The following MTG1 variants were observed in gnomAD, a reference collection of about 807,000 sequenced individuals.
MTG1 encodes mitochondrial ribosome associated GTPase 1.
MTG1 carries 30 observed loss-of-function variants against 39.5 expected under a neutral mutation model. That is an observed-to-expected ratio of 0.76 (90% CI 0.57 to 1.03). The LOEUF (loss-of-function observed/expected upper bound fraction) is 1.03. Among genes scored for constraint, MTG1 ranks in the 50% least tolerant of loss-of-function variants. The pLI is 0.00. For synonymous variants in MTG1, 217 were observed against 179.0 expected (o/e 1.21, Z -1.69); for missense variants, 513 against 447.4 (o/e 1.15, Z -1.32).
At position 133,402,365 on chromosome 10, in the gene MTG1, C is replaced by T. The variant is rs1849895104; in HGVS notation, c.670+120C>T. 1 of 1,169,718 alleles carries T rather than the reference C, an allele frequency of 8.5e-7. No homozygotes were observed. Among genetic ancestry groups the T allele is most frequent in the Admixed American group, 1.8e-5 (1 of 54,516 alleles). 72.5% of individuals were successfully genotyped at this position (1,169,718 alleles called of 1,614,324 possible). On this transcript the variant is annotated intron_variant, in intron 8 of 10. Transcript: ENST00000317502. This position sits in a 1 kb window ranked among gnomAD's most constrained non-coding sequence, Gnocchi z 4.7. ...GTTGTTACTGCCTTTGACCTGGTTG[C>T]TGCCAGACCTTCCTCGAAGCTTAGT...
Position 133,402,737 on chromosome 10 carries a change from A to G in MTG1, c.716A>G (p.Tyr239Cys), listed in dbSNP as rs985894314. Residue 239 changes from tyrosine to cysteine, a missense_variant, in exon 9 of 11, where the codon TAC (tyrosine) becomes TGC (cysteine). Transcript: ENST00000317502. This position sits in a 1 kb window ranked among gnomAD's most constrained non-coding sequence, Gnocchi z 4.7. ...GTCGGGGAGGAGACCATGGCTGACT[A>G]CCTGCTGTACACCCTCAACAAACAC... ...HLVGEETMADYLLYTLNKHQR... is the reference protein window; with the variant it reads ...HLVGEETMADCLLYTLNKHQR... 32 of 1,608,228 alleles carry G rather than the reference A, an allele frequency of 2.0e-5. No homozygotes were observed. Among genetic ancestry groups the G allele is most frequent in the Non-Finnish European group, 2.2e-5 (26 of 1,177,746 alleles).
chr10:133,398,631 G>A (rs1849823613), intron 4 of MTG1, 116 bp downstream of exon 4: 1 of 1,203,052 alleles, frequency 8.3e-7, no homozygotes, highest in East Asian at 2.5e-5. Context: ...CCTAGGTGTT[G>A]GTTTCCAGCT....
chr10:133,394,785 C>CTAA, intron 1 of MTG1: 1 of 964,272 alleles, frequency 1.0e-6, no homozygotes, highest in Non-Finnish European at 1.2e-6. Flanking sequence ...TCCTGCTTAA[C>CTAA]GTCTTTGGTA....
Position 133,418,665 on chromosome 10 carries a change from G to A in MTG1, c.753-815G>A, listed in dbSNP as rs758645821. ...GCCTTGGGGTGAGTCCTCTGTTACCGGCTCATGCTGTGACCAGGTCCGAGG... is the reference window on the plus strand; with the variant it reads ...GCCTTGGGGTGAGTCCTCTGTTACCAGCTCATGCTGTGACCAGGTCCGAGG... On this transcript the variant is annotated intron_variant, in intron 9 of 10. Transcript: ENST00000317502. Among the ~76,000 whole-genome samples, 6 of 152,076 alleles carry A rather than the reference G, an allele frequency of 3.9e-5. No homozygotes were observed. The East Asian group carries it at 5.8e-4, about 15-fold the overall frequency.
intron 2 of MTG1, 88 bp downstream of exon 2, chr10:133,395,865 T>C: frequency 7.4e-7 from 1 of 1,352,692 alleles, no homozygotes; most frequent in Non-Finnish European, 1.0e-6. Flanking sequence ...AAAATATGAA[T>C]TGCGAGGCCC....
chr10:133,410,004 G>A (rs1850022399), intron 9 of MTG1, among the ~76,000 whole-genome samples: 1 of 151,326 alleles, frequency 6.6e-6, no homozygotes, highest in Non-Finnish European at 1.5e-5. Flanking sequence ...CTTATAGGTA[G>A]CATATAGTTT....
At position 133,420,068 on chromosome 10, in the gene MTG1, G is replaced by C; in HGVS notation, c.908G>C (p.Arg303Pro). The C allele has an allele frequency of 6.2e-7, 1 of 1,613,368 alleles. No individual in the cohort carries two copies. The highest frequency in any genetic ancestry group is 8.5e-7 in the Non-Finnish European group (1 of 1,179,650). Residue 303 changes from arginine (R) to proline (P), a missense_variant, in exon 11 of 11, where the codon CGT becomes CCT. By Grantham distance (103) the Arg-to-Pro change is moderately radical. Coordinates refer to ENST00000317502, the MANE Select transcript of MTG1 (RefSeq NM_138384.4). ...CAGCCTAACTATCCTGCGGCAGCCC[G>C]TGACTTCCTGCAGACTTTCCGCCGT... ...IIQPNYPAAA[R>P]DFLQTFRRGL...
At position 133,399,532 on chromosome 10, in the gene MTG1, C is replaced by T. The variant is rs372964971; in HGVS notation, c.424C>T (p.Leu142=). The change falls in exon 6 of 11, where the codon CTG becomes TTG. Residue 142 remains leucine, a synonymous_variant. Transcript: ENST00000317502. ...ACCCCTCTCTCTGCCTGCGCAGAAC[C>T]TGGAGTACTGTATCATGGTCATTGG... is the stretch of plus-strand genomic sequence containing the variant. ...RSHRYHRKEN[L]EYCIMVIGVP... 1 of 1,614,008 alleles carries T rather than the reference C, an allele frequency of 6.2e-7. No individual in the cohort carries two copies. The highest frequency in any genetic ancestry group is 8.5e-7 in the Non-Finnish European group (1 of 1,179,982).
At chr10:133,411,441 G>A (rs1392875939) in intron 9 of MTG1, among the ~76,000 whole-genome samples, 1 of 152,118 alleles carries the variant, frequency 6.6e-6, no homozygotes, top group South Asian at 2.1e-4. Flanking sequence ...GGTTAAATCT[G>A]TTTGGTGATC....
chr10:133,407,219 T>C (rs1849981585), intron 9 of MTG1, among the ~76,000 whole-genome samples: 1 of 152,208 alleles, frequency 6.6e-6, no homozygotes, highest in Non-Finnish European at 1.5e-5. Context: ...TGAAGTCAGG[T>C]AGTGTGATGC....
intron 9 of MTG1, among the ~76,000 whole-genome samples, chr10:133,412,064 CT>C (rs1554892189): frequency 6.6e-6 from 1 of 151,274 alleles, no homozygotes; most frequent in African/African-American, 2.4e-5. Flanking sequence ...TCCTGTCTGG[CT>C]TTTTTTTTCT....
At position 133,394,279 on chromosome 10, in the gene MTG1, T is replaced by G. The variant is rs1849745980; in HGVS notation, c.59T>G (p.Phe20Cys). The G allele has an allele frequency of 2.6e-6, 4 of 1,516,858 alleles. No homozygotes were observed. The highest frequency in any genetic ancestry group is 3.5e-6 in the Non-Finnish European group (4 of 1,136,968). The allele number at this position is 1,516,858 out of a possible 1,614,324, so 94.0% of individuals were successfully genotyped here. Reference sequence around the variant, plus strand: ...GCCCAGGCCGCCTGGCGGGAGAACTTCCCCCTGTGCGGTCGCGACGTGGCG... The same window carrying G: ...GCCCAGGCCGCCTGGCGGGAGAACTGCCCCCTGTGCGGTCGCGACGTGGCG... The part of the protein sequence containing the change: ...SAAQAAWREN[F>C]PLCGRDVARW... The change falls in exon 1 of 11, where the codon TTC becomes TGC. Residue 20 changes from phenylalanine (F) to cysteine (C), a missense_variant. By Grantham distance (205) the Phe-to-Cys change is radical. Coordinates refer to ENST00000317502, the MANE Select transcript of MTG1 (RefSeq NM_138384.4).
At chr10:133,416,917 C>T (rs921841913) in intron 9 of MTG1, among the ~76,000 whole-genome samples, 1 of 151,728 alleles carries the variant, frequency 6.6e-6, no homozygotes. Flanking sequence ...GGGTATATAC[C>T]CAGTAATGGG....
chr10:133,402,190 C>T lies in MTG1; in HGVS notation c.615C>T (p.Gly205=), dbSNP rs201299774. ...RPLMFLLDTP[G]VLAPRIESVE... is the part of the protein sequence containing the mutation. ...TGATGTTCCTGTTGGACACTCCTGG[C>T]GTGCTGGCTCCTCGGATTGAAAGTG... Residue 205 remains glycine (G), a synonymous_variant, in exon 8 of 11, where the codon GGC becomes GGT. Transcript: ENST00000317502. The surrounding 1 kb of genome is among the most constrained non-coding windows in gnomAD (Gnocchi z 4.7). 108 of 1,609,182 alleles carry T rather than the reference C, an allele frequency of 6.7e-5. No homozygotes were observed. Among genetic ancestry groups the T allele is most frequent in the Middle Eastern group, 1.7e-4 (1 of 6,044 alleles).
intron 9 of MTG1, among the ~76,000 whole-genome samples, chr10:133,404,455 A>G (rs1849939968): frequency 6.9e-6 from 1 of 144,780 alleles, no homozygotes. Flanking sequence ...TATTCTGGAT[A>G]CAAGTCCTTA....
In MTG1 at chr10:133,399,613, A is replaced by G. The variant is rs1849842063; in HGVS notation, c.505A>G (p.Arg169Gly). The change falls in exon 6 of 11, where the codon AGG (arginine) becomes GGG (glycine). Residue 169 changes from arginine to glycine, a missense_variant. Coordinates refer to ENST00000317502, the MANE Select transcript of MTG1 (RefSeq NM_138384.4). ...LINSLRRQHL[R>G]KGKATRVGGE... ...CAACTCCCTCCGGAGGCAGCACCTCAGGAAAGGTACTGGCGCGTGCGGCTG... is the reference window on the plus strand; with the variant it reads ...CAACTCCCTCCGGAGGCAGCACCTCGGGAAAGGTACTGGCGCGTGCGGCTG... The G allele has an allele frequency of 2.5e-6, 4 of 1,613,566 alleles. No homozygotes were observed. Among genetic ancestry groups the G allele is most frequent in the Non-Finnish European group, 3.4e-6 (4 of 1,179,856 alleles).
rs759726846 is a variant in MTG1, at chr10:133,398,452, A to T, written c.300A>T (p.Leu100Phe). The T allele has an allele frequency of 6.2e-7, 1 of 1,612,760 alleles. No individual in the cohort carries two copies. Among genetic ancestry groups the T allele is most frequent in the South Asian group, 1.1e-5 (1 of 90,652 alleles). The part of the protein sequence containing the change: ...LTEQQKIMQH[L>F]EGEGLKNVIF... ...TCTTTCAGAAAATTATGCAACACTT[A>T]GAAGGAGAAGGCCTAAAAAATGTCA... is the stretch of plus-strand genomic sequence containing the variant. The change falls in exon 4 of 11, where the codon TTA becomes TTT. Residue 100 changes from leucine to phenylalanine, a missense_variant. By Grantham distance (22) the Leu-to-Phe change is conservative. Coordinates refer to ENST00000317502, the MANE Select transcript of MTG1 (RefSeq NM_138384.4).
chr10:133,401,823 G>A (rs1387461127), intron 7 of MTG1: 15 of 680,374 alleles, frequency 2.2e-5, no homozygotes, highest in Admixed American at 1.0e-4. Context: ...TCCAGATGAG[G>A]AGGCCACTGT....
intron 9 of MTG1, among the ~76,000 whole-genome samples, 184 bp from the exon 10 acceptor site, chr10:133,419,296 C>T (rs985307942): frequency 1.3e-5 from 2 of 152,330 alleles, no homozygotes; most frequent in Middle Eastern, 3.4e-3. Flanking sequence ...TAGTGGCTCT[C>T]CCCCGGGGCC....
Sources: allele counts gnomAD v4.1 joint callset (sites outside exome capture counted in the v4.1 genomes callset), GRCh38; gene constraint gnomAD v4.1.1; non-coding constraint Gnocchi (gnomAD v3.1); transcripts MANE v1.5; gene names NCBI Gene and HGNC (gene_info 2026-07-23, HGNC 2026-07-21).